The following PLEKHM2 variants were observed in gnomAD, a reference collection of about 807,000 sequenced individuals.
PLEKHM2 encodes pleckstrin homology domain-containing family M member 2.
Under a neutral mutation model 116.3 loss-of-function variants are expected in PLEKHM2, and 77 were observed. The ratio of observed to expected loss-of-function variants is 0.66; its 90% confidence interval spans 0.55 to 0.80. PLEKHM2 has a LOEUF of 0.80. Among genes scored for constraint, PLEKHM2 ranks in the 30% least tolerant of loss-of-function variants. The pLI is 0.00. For missense variants in PLEKHM2, 1,183 were observed against 1,354.9 expected (o/e 0.87, Z 1.99); for synonymous variants, 562 against 571.0 (o/e 0.98, Z 0.22).
At chr1:15,687,659 C>T (rs1296583164) in intron 1 of PLEKHM2, among the ~76,000 whole-genome samples, 1 of 152,160 alleles carries the variant, frequency 6.6e-6, no homozygotes, top group Non-Finnish European at 1.5e-5. Context: ...GAGACAACTG[C>T]GATGTGATTC....
rs542831914 is a variant in PLEKHM2 at position 15,727,086 on chromosome 1, C to A, written c.1014C>A (p.Pro338=). 1.3e-6 allele frequency: 2 copies of A among 1,534,464 alleles called. No individual in the cohort carries two copies. Among genetic ancestry groups the A allele is most frequent in the East Asian group, 4.7e-5 (2 of 42,886 alleles). ...RSDEEASPLH[P]ACSQKKCAKQ... The stretch of plus-strand genomic sequence containing the variant: ...ATGAGGAGGCAAGTCCACTCCACCC[C>A]GCCTGCAGCCAGAAGAAATGTGCCA... The change falls in exon 9 of 20, where the codon CCC becomes CCA. Residue 338 remains proline (P), a synonymous_variant. Coordinates refer to ENST00000375799, the MANE Select transcript of PLEKHM2 (RefSeq NM_015164.4). The surrounding 1 kb of genome is among the most constrained non-coding windows in gnomAD (Gnocchi z 7.5).
intron 1 of PLEKHM2, among the ~76,000 whole-genome samples, chr1:15,692,715 G>C (rs927972630): frequency 6.6e-6 from 1 of 151,702 alleles, no homozygotes. Context: ...GGGGTTACAG[G>C]TGCAAGCCAC....
At position 15,728,723 on chromosome 1, in the gene PLEKHM2, A is replaced by T; in HGVS notation, c.1976A>T (p.Asp659Val). The part of the protein sequence containing the change: ...VEEAVSYNEL[D>V]YVSVGLDQQT... The stretch of plus-strand genomic sequence containing the variant: ...GAGGCCGTTTCTTACAATGAACTTG[A>T]CTATGTGTCGGTGAGTCCAGGCCCC... Residue 659 changes from aspartate to valine, a missense_variant, in exon 12 of 20, where the codon GAC (aspartate) becomes GTC (valine). Coordinates refer to ENST00000375799, the MANE Select transcript of PLEKHM2 (RefSeq NM_015164.4). The surrounding 1 kb of genome is among the most constrained non-coding windows in gnomAD (Gnocchi z 5.9). The T allele has an allele frequency of 6.2e-7, 1 of 1,609,844 alleles. No individual in the cohort carries two copies. Among genetic ancestry groups the T allele is most frequent in the Non-Finnish European group, 8.5e-7 (1 of 1,178,154 alleles).
At chr1:15,688,188 C>T (rs754734550) in intron 1 of PLEKHM2, among the ~76,000 whole-genome samples, 5 of 152,196 alleles carry the variant, frequency 3.3e-5, no homozygotes, top group African/African-American at 4.8e-5. Flanking sequence ...TTGAGTTCAA[C>T]TATTTTCACA....
rs200088107 is a variant in PLEKHM2, at chr1:15,727,491, C to T, written c.1419C>T (p.Ser473=). 1.7e-4 allele frequency: 275 copies of T among 1,593,600 alleles called. 1 individual carries two copies. Among genetic ancestry groups the T allele is most frequent in the East Asian group, 1.8e-4 (8 of 43,816 alleles). The change falls in exon 9 of 20, where the codon AGC becomes AGT. Residue 473 remains serine, a synonymous_variant. Coordinates refer to ENST00000375799, the MANE Select transcript of PLEKHM2 (RefSeq NM_015164.4). This position sits in a 1 kb window ranked among gnomAD's most constrained non-coding sequence, Gnocchi z 7.5. ...DFYRFTVESP[S]TVTSGGGHHD... ...ACCGCTTTACCGTCGAGAGTCCAAG[C>T]ACTGTTACATCAGGTGGCGGCCACC...
In PLEKHM2 at chr1:15,729,145, G is replaced by T. The variant is rs899766875; in HGVS notation, c.2030G>T (p.Arg677Leu). Residue 677 changes from arginine to leucine, a missense_variant, in exon 13 of 20, where the codon CGC becomes CTC. Around this residue, in one of 3 missense-constraint regions of PLEKHM2, gnomAD observed 594 missense variants for 720.1 expected, o/e 0.82. Transcript: ENST00000375799. This position sits in a 1 kb window ranked among gnomAD's most constrained non-coding sequence, Gnocchi z 4.7. ...QQTVKLVCTNRRKQFLLDTAD... is the reference protein window; with the variant it reads ...QQTVKLVCTNLRKQFLLDTAD... ...ACGGTGAAGCTGGTGTGCACCAACC[G>T]CAGGAAGCAGTTTCTGCTGGACACG... 5 of 1,611,868 alleles carry T rather than the reference G, an allele frequency of 3.1e-6. No individual in the cohort carries two copies. Among genetic ancestry groups the T allele is most frequent in the East Asian group, 2.2e-5 (1 of 44,792 alleles).
chr1:15,710,337 T>C (rs1291050751), intron 1 of PLEKHM2, among the ~76,000 whole-genome samples: 8 of 152,054 alleles, frequency 5.3e-5, no homozygotes, highest in Non-Finnish European at 4.4e-5. Flanking sequence ...GTTGTTATTG[T>C]TGTTATTTGA....
intron 1 of PLEKHM2, among the ~76,000 whole-genome samples, chr1:15,695,942 A>C (rs547901003): frequency 4.0e-5 from 6 of 151,350 alleles, no homozygotes; most frequent in Non-Finnish European, 8.8e-5. Context: ...AGCTGGTACT[A>C]CAGGTGTGCA....
At chr1:15,685,649 T>G (rs1030852643) in intron 1 of PLEKHM2, among the ~76,000 whole-genome samples, 2 of 152,134 alleles carry the variant, frequency 1.3e-5, no homozygotes, top group East Asian at 3.9e-4. Context: ...TGGATAGAAT[T>G]AATTAGATCA....
intron 1 of PLEKHM2, among the ~76,000 whole-genome samples, chr1:15,700,426 G>A (rs1364540212): frequency 2.6e-5 from 4 of 152,134 alleles, no homozygotes; most frequent in Admixed American, 2.6e-4. Flanking sequence ...ACAGTAGTAG[G>A]ACGCTGGCCA....
chr1:15,703,360 A>C (rs1179226008), intron 1 of PLEKHM2, among the ~76,000 whole-genome samples: 1 of 152,206 alleles, frequency 6.6e-6, no homozygotes, highest in Non-Finnish European at 1.5e-5. Context: ...TTGTTGGAGC[A>C]GGCGTTTTTA....
rs1202564584 is a variant in PLEKHM2 at position 15,727,117 on chromosome 1, G to C, written c.1045G>C (p.Gly349Arg). 6.3e-7 allele frequency: 1 copy of C among 1,583,206 alleles called. No individual in the cohort carries two copies. Reference protein sequence around the residue: ...ACSQKKCAKQGDGDSRNGSPS... With the variant: ...ACSQKKCAKQRDGDSRNGSPS... ...CAGCCAGAAGAAATGTGCCAAGCAG[G>C]GGGACGGTGACAGCCGCAACGGCAG... The change falls in exon 9 of 20, where the codon GGG becomes CGG. Residue 349 changes from glycine to arginine, a missense_variant. This residue lies in a region of PLEKHM2 where 372 missense variants were observed against 357.2 expected (regional missense o/e 1.04). Coordinates refer to ENST00000375799, the MANE Select transcript of PLEKHM2 (RefSeq NM_015164.4). The surrounding 1 kb of genome is among the most constrained non-coding windows in gnomAD (Gnocchi z 7.5).
In PLEKHM2 at chr1:15,729,757, G is replaced by A; in HGVS notation, c.2076-40G>A. 2 of 1,578,644 alleles carry A rather than the reference G, an allele frequency of 1.3e-6. No individual in the cohort carries two copies. Among genetic ancestry groups the A allele is most frequent in the Non-Finnish European group, 1.7e-6 (2 of 1,163,746 alleles). On this transcript the variant is annotated intron_variant, in intron 13 of 19. Transcript: ENST00000375799. The surrounding 1 kb of genome is among the most constrained non-coding windows in gnomAD (Gnocchi z 4.7). ...CTAAGCCCTGTCCAGTTGAGGCCCT[G>A]TTCCCAGGCCTCTAACCACAAACCT... is the stretch of plus-strand genomic sequence containing the variant.
chr1:15,727,493 C>T lies in PLEKHM2; in HGVS notation c.1421C>T (p.Thr474Ile), dbSNP rs1214603790. 1 of 1,592,770 alleles carries T rather than the reference C, an allele frequency of 6.3e-7. No individual in the cohort carries two copies. The highest frequency in any genetic ancestry group is 8.5e-7 in the Non-Finnish European group (1 of 1,170,298). Residue 474 changes from threonine to isoleucine, a missense_variant, in exon 9 of 20, where the codon ACT becomes ATT. Coordinates refer to ENST00000375799, the MANE Select transcript of PLEKHM2 (RefSeq NM_015164.4). This position sits in a 1 kb window ranked among gnomAD's most constrained non-coding sequence, Gnocchi z 7.5. ...CGCTTTACCGTCGAGAGTCCAAGCA[C>T]TGTTACATCAGGTGGCGGCCACCAT... ...FYRFTVESPS[T>I]VTSGGGHHDP... is the part of the protein sequence containing the mutation.
In PLEKHM2 at chr1:15,729,929, G is replaced by A. The variant is rs756087425; in HGVS notation, c.2208G>A (p.Glu736=). 1.9e-6 allele frequency: 3 copies of A among 1,610,150 alleles called. No homozygotes were observed. The highest frequency in any genetic ancestry group is 1.7e-6 in the Non-Finnish European group (2 of 1,179,230). The change falls in exon 14 of 20, where the codon GAG becomes GAA. Residue 736 remains glutamate, a splice_region_variant and synonymous_variant. Coordinates refer to ENST00000375799, the MANE Select transcript of PLEKHM2 (RefSeq NM_015164.4). This position sits in a 1 kb window ranked among gnomAD's most constrained non-coding sequence, Gnocchi z 4.7. Reference sequence around the variant, plus strand: ...TTGTGGCCCAAGAATCGAAGTGTGAGGTAAGAACCTGGGGAGGAAGCTGAG... The same window carrying A: ...TTGTGGCCCAAGAATCGAAGTGTGAAGTAAGAACCTGGGGAGGAAGCTGAG... ...AKFVAQESKC[E]ASAVTVRFYG...
In PLEKHM2 at chr1:15,728,075, A is replaced by G; in HGVS notation, c.1761-4A>G. 1.9e-6 allele frequency: 3 copies of G among 1,608,756 alleles called. No individual in the cohort carries two copies. Among genetic ancestry groups the G allele is most frequent in the Non-Finnish European group, 2.5e-6 (3 of 1,177,304 alleles). On this transcript the variant is annotated splice_region_variant and splice_polypyrimidine_tract_variant and intron_variant, in intron 9 of 19. Transcript: ENST00000375799. This position sits in a 1 kb window ranked among gnomAD's most constrained non-coding sequence, Gnocchi z 5.9. The stretch of plus-strand genomic sequence containing the variant: ...ATCTCGCCCTCCTGACTTGGCCCTC[A>G]CAGAGTAGACAACAATCACCTGCTC...
chr1:15,690,655 A>G (rs949108866), intron 1 of PLEKHM2, among the ~76,000 whole-genome samples: 2 of 152,348 alleles, frequency 1.3e-5, no homozygotes, highest in East Asian at 3.9e-4. Flanking sequence ...CACCAGTGCT[A>G]TAGTTAACCA....
intron 1 of PLEKHM2, among the ~76,000 whole-genome samples, chr1:15,696,640 C>T (rs1011650339): frequency 1.3e-5 from 2 of 152,216 alleles, no homozygotes; most frequent in African/African-American, 4.8e-5. Flanking sequence ...CATGAGCCAC[C>T]GCGCCTGGGC....
At position 15,729,329 on chromosome 1, in the gene PLEKHM2, G is replaced by T; in HGVS notation, c.2075+139G>T. The T allele has an allele frequency of 2.7e-6, 2 of 730,896 alleles. No homozygotes were observed. Among genetic ancestry groups the T allele is most frequent in the South Asian group, 3.2e-5 (2 of 62,054 alleles). 45.3% of individuals were successfully genotyped at this position (730,896 alleles called of 1,614,324 possible). ...ACCAGATGTATTCCCTCTGGAACCT[G>T]CATCTGCTCAGAGAGGCAGGCAAGT... is the stretch of plus-strand genomic sequence containing the variant. On this transcript the variant is annotated intron_variant, in intron 13 of 19. Coordinates refer to ENST00000375799, the MANE Select transcript of PLEKHM2 (RefSeq NM_015164.4). The surrounding 1 kb of genome is among the most constrained non-coding windows in gnomAD (Gnocchi z 4.7).
Sources: gnomAD v4.1 joint callset for allele counts (sites outside exome capture counted in the v4.1 genomes callset) on GRCh38, gnomAD v4.1.1 for gene constraint, gnomAD v4.1.1 regional missense constraint, Gnocchi (gnomAD v3.1) non-coding constraint, MANE v1.5 for transcripts, NCBI Gene and HGNC (gene_info 2026-07-23, HGNC 2026-07-21) for gene names.